Variants in SSH2 observed in about 807,000 individuals in gnomAD.
SSH2 encodes slingshot protein phosphatase 2, also known as protein phosphatase Slingshot homolog 2.
A neutral mutation model predicts 135.2 loss-of-function variants in SSH2; 37 were observed. The observed-to-expected ratio is 0.27, with a 90% CI of 0.21 to 0.36. The LOEUF is 0.36. SSH2 is among the 10% of genes least tolerant of loss of function. SSH2 has a pLI of 1.00. For synonymous variants in SSH2, 628 were observed against 646.2 expected (o/e 0.97, Z 0.43); for missense variants, 1,408 against 1,765.3 (o/e 0.80, Z 3.63).
intron 1 of SSH2, among the ~76,000 whole-genome samples, chr17:29,891,331 A>G (rs1401547540): frequency 1.3e-5 from 2 of 152,246 alleles, no homozygotes; most frequent in Non-Finnish European, 2.9e-5. Flanking sequence ...TTAAGTTCCC[A>G]CATGAATCTA....
At chr17:29,929,756 C>T in intron 1 of SSH2, 182 bp downstream of exon 1, 2 of 613,728 alleles carry the variant, frequency 3.3e-6, no homozygotes, top group East Asian at 5.5e-5. Flanking sequence ...GGGCAAAAAT[C>T]AACGTCTTGT....
intron 1 of SSH2, among the ~76,000 whole-genome samples, chr17:29,921,389 C>A (rs527726729): frequency 1.9e-4 from 29 of 152,306 alleles, no homozygotes; most frequent in African/African-American, 5.8e-4. Context: ...TTATACAATG[C>A]TTGTAAACAA....
rs34380761 is a variant in SSH2 at position 29,641,937 on chromosome 17, CTTT to C, written c.1428-5138_1428-5136del. 3.1e-3 allele frequency among the ~76,000 whole-genome samples: 438 copies of C among 139,444 alleles called. 2 individuals carry two copies. Among genetic ancestry groups the C allele is most frequent in the African/African-American group, 8.1e-3 (304 of 37,576 alleles). 91.5% of individuals were successfully genotyped at this position (139,444 alleles called of 152,430 possible). A position where few individuals can be genotyped will look rare whatever the true frequency, so the allele number is the denominator to read the frequency against. ...CTAGCCTGGGCAATATAGACATTGT[CTTT>C]TTTTTTTTTTTTTTTAAAAAAAGAG... is the stretch of plus-strand genomic sequence containing the variant. On this transcript the variant is annotated intron_variant, in intron 14 of 15. Transcript: ENST00000540801.
intron 3 of SSH2, among the ~76,000 whole-genome samples, chr17:29,732,012 C>A (rs1249422465): frequency 6.6e-6 from 1 of 152,060 alleles, no homozygotes; most frequent in Non-Finnish European, 1.5e-5. Flanking sequence ...TAACAGAGAG[C>A]CTGCTTGGGT....
In SSH2 at chr17:29,636,903, G is replaced by C. The variant is rs1414975660; in HGVS notation, c.1428-101C>G. On this transcript the variant is annotated intron_variant, in intron 14 of 15. Coordinates refer to ENST00000540801, the MANE Select transcript of SSH2 (RefSeq NM_001282129.2). ...CAGATAAATCTTAACTTGTAAAAAT[G>C]CTTTGTTATTGCTCAATGGAACTAG... The C allele has an allele frequency of 5.9e-6, 5 of 853,044 alleles. No homozygotes were observed. The Admixed American group carries it at 1.3e-4, about 21-fold the overall frequency. The allele number at this position is 853,044 out of a possible 1,614,324, so 52.8% of individuals were successfully genotyped here. A position where few individuals can be genotyped will look rare whatever the true frequency, so the allele number is the denominator to read the frequency against.
chr17:29,671,872 C>CTTCT, intron 9 of SSH2, 63 bp downstream of exon 9: 1 of 1,380,484 alleles, frequency 7.2e-7, no homozygotes. Flanking sequence ...GAGGAACATG[C>CTTCT]TTCTTATGAC....
intron 3 of SSH2, among the ~76,000 whole-genome samples, chr17:29,735,014 T>G (rs1181039556): frequency 6.6e-6 from 1 of 152,054 alleles, no homozygotes; most frequent in Non-Finnish European, 1.5e-5. Flanking sequence ...TATTCAAGGT[T>G]CAAAATTGGG....
chr17:29,907,044 A>G (rs182431428), intron 1 of SSH2, among the ~76,000 whole-genome samples: 27 of 152,328 alleles, frequency 1.8e-4, no homozygotes, highest in Middle Eastern at 3.4e-3. Context: ...TCATTCTGTT[A>G]TAAAGATACA....
intron 3 of SSH2, among the ~76,000 whole-genome samples, chr17:29,779,961 G>A (rs925610573): frequency 6.6e-6 from 1 of 151,568 alleles, no homozygotes; most frequent in Admixed American, 6.6e-5. Context: ...AGTAGCTCAC[G>A]CCTGTAATCC....
chr17:29,648,230 G>A lies in SSH2; in HGVS notation c.1341C>T (p.Asp447=), dbSNP rs772452557. The change falls in exon 14 of 16, where the codon GAC becomes GAT. Residue 447 remains aspartate, a synonymous_variant. Coordinates refer to ENST00000540801, the MANE Select transcript of SSH2 (RefSeq NM_001282129.2). ...EYGWNLDRAY[D]YVKERRTVTK... ...TTACCGTTCGTCTTTCTTTCACATAGTCATAGGCTCGGTCCAGATTCCAGC... is the reference window on the plus strand; with the variant it reads ...TTACCGTTCGTCTTTCTTTCACATAATCATAGGCTCGGTCCAGATTCCAGC... 6.2e-7 allele frequency: 1 copy of A among 1,614,158 alleles called. No individual in the cohort carries two copies. The highest frequency in any genetic ancestry group is 1.7e-5 in the Admixed American group (1 of 60,026).
chr17:29,720,370 C>A (rs1330722717), intron 3 of SSH2, among the ~76,000 whole-genome samples: 1 of 152,154 alleles, frequency 6.6e-6, no homozygotes, highest in East Asian at 1.9e-4. Context: ...TTTTCCTTAC[C>A]AAACCATCTC....
intron 2 of SSH2, among the ~76,000 whole-genome samples, chr17:29,848,091 C>G (rs555911595): frequency 6.6e-6 from 1 of 152,142 alleles, no homozygotes; most frequent in Non-Finnish European, 1.5e-5. Flanking sequence ...AACTAAGAAC[C>G]CTCCTGGGCT....
At chr17:29,730,077 G>A (rs2264302) in intron 3 of SSH2, among the ~76,000 whole-genome samples, 67,449 of 151,932 alleles carry the variant, frequency 0.44, 15,347 homozygotes, top group Non-Finnish European at 0.49. Flanking sequence ...CCAGCACTTC[G>A]GGAGAGGCTG....
intron 2 of SSH2, among the ~76,000 whole-genome samples, chr17:29,843,541 A>C (rs565915138): frequency 5.2e-4 from 78 of 151,264 alleles, no homozygotes; most frequent in African/African-American, 1.8e-3. Flanking sequence ...TGGGTGACAG[A>C]GGGAGACTCA....
In SSH2 at chr17:29,666,938, T is replaced by C; in HGVS notation, c.961A>G (p.Ile321Val). 6.2e-7 allele frequency: 1 copy of C among 1,614,058 alleles called. No homozygotes were observed. Among genetic ancestry groups the C allele is most frequent in the Non-Finnish European group, 8.5e-7 (1 of 1,179,936 alleles). ...AGGATCACTATCATTTCATTGTCTA[T>C]AAATTCCTTGAATTCCCGCAAGTTG... ...VCNLREFKEF[I>V]DNEMIVILGQ... Residue 321 changes from isoleucine (I) to valine (V), a missense_variant, in exon 11 of 16, where the codon ATA (isoleucine) becomes GTA (valine). This residue lies in a region of SSH2 where 106 missense variants were observed against 265.2 expected (regional missense o/e 0.40). Transcript: ENST00000540801.
At chr17:29,706,658 A>G (rs2039211518) in intron 3 of SSH2, among the ~76,000 whole-genome samples, 1 of 152,246 alleles carries the variant, frequency 6.6e-6, no homozygotes, top group Admixed American at 6.5e-5. Flanking sequence ...CTAAATGAAA[A>G]TATTTTAAAA....
At chr17:29,759,301 G>A (rs2041219927) in intron 3 of SSH2, among the ~76,000 whole-genome samples, 1 of 152,170 alleles carries the variant, frequency 6.6e-6, no homozygotes, top group Non-Finnish European at 1.5e-5. Flanking sequence ...CTCCCAAAGT[G>A]CTGGGACTAT....
rs56789691 is a variant in SSH2, at chr17:29,779,810, C to CAAAAAAAAAAAAAAA, written c.188+14069_188+14083dup. ...TGGGCGACAGAGTGAGACTCTGTCTCAAAAAAAAAAAAAAAAAAAAAAAAA... is the reference window on the plus strand; with the variant it reads ...TGGGCGACAGAGTGAGACTCTGTCTCAAAAAAAAAAAAAAAAAAAAAAAAAAAAAAAAAAAAAAAA... On this transcript the variant is annotated intron_variant, in intron 3 of 15. Transcript: ENST00000540801. 4.6e-4 allele frequency among the ~76,000 whole-genome samples: 9 copies of CAAAAAAAAAAAAAAA among 19,608 alleles called. 1 individual carries two copies. The highest frequency in any genetic ancestry group is 1.0e-3 in the Admixed American group (1 of 974). The allele number at this position is 19,608 out of a possible 152,430, so 12.9% of individuals were successfully genotyped here. A position where few individuals can be genotyped will look rare whatever the true frequency, so the allele number is the denominator to read the frequency against.
At chr17:29,634,235 G>A (rs1204714366) in intron 15 of SSH2, among the ~76,000 whole-genome samples, 1 of 152,168 alleles carries the variant, frequency 6.6e-6, no homozygotes, top group South Asian at 2.1e-4. Context: ...AATCGTTAAC[G>A]GACAAAGCGG....
Sources: gnomAD v4.1 joint callset for allele counts (sites outside exome capture counted in the v4.1 genomes callset) on GRCh38, gnomAD v4.1.1 for gene constraint, gnomAD v4.1.1 regional missense constraint, MANE v1.5 for transcripts, NCBI Gene and HGNC (gene_info 2026-07-23, HGNC 2026-07-21) for gene names.